Variants in KANSL1L observed in about 807,000 individuals in gnomAD.
The protein encoded by KANSL1L is KAT8 regulatory NSL complex subunit 1-like protein.
KANSL1L carries 25 observed loss-of-function variants against 108.6 expected under a neutral mutation model. The observed-to-expected ratio is 0.23, with a 90% CI of 0.17 to 0.32. The LOEUF is 0.32. Ranked by LOEUF, KANSL1L falls within the 10% of genes least tolerant of loss-of-function variation. The pLI is 1.00. For missense variants in KANSL1L, 1,137 were observed against 1,125.7 expected (o/e 1.01, Z -0.14); for synonymous variants, 405 against 395.1 (o/e 1.03, Z -0.30).
chr2:210,161,153 T>C (rs1233592573), intron 1 of KANSL1L, among the ~76,000 whole-genome samples: 3 of 152,006 alleles, frequency 2.0e-5, no homozygotes. Context: ...CATGCCCGGC[T>C]AATTTTTGTA....
intron 3 of KANSL1L, among the ~76,000 whole-genome samples, chr2:210,107,358 T>C (rs1225989115): frequency 1.3e-5 from 2 of 151,468 alleles, no homozygotes; most frequent in East Asian, 3.9e-4. Flanking sequence ...CCAAGAAAAA[T>C]ATTTCAATTT....
Position 210,098,155 on chromosome 2 carries a change from G to A in KANSL1L, c.1481C>T (p.Ser494Phe). The A allele has an allele frequency of 1.2e-6, 2 of 1,612,286 alleles. No homozygotes were observed. Among genetic ancestry groups the A allele is most frequent in the Non-Finnish European group, 1.7e-6 (2 of 1,179,052 alleles). The change falls in exon 5 of 15, where the codon TCC (serine) becomes TTC (phenylalanine). Residue 494 changes from serine (S) to phenylalanine (F), a missense_variant. Around this residue, in one of 3 missense-constraint regions of KANSL1L, gnomAD observed 575 missense variants for 567.1 expected, o/e 1.01. Transcript: ENST00000281772. ...GGAAGAGAGGGGTGATGAAGTTGGG[G>A]ACAAGTTGAGAGGGGCAATCAAACT... ...INSLIAPLNL[S>F]PTSSPLSSKS...
rs372994844 is a variant in KANSL1L, at chr2:210,160,046, AAAC to A, written c.-29-5438_-29-5436del. On this transcript the variant is annotated intron_variant, in intron 1 of 14. Coordinates refer to ENST00000281772, the MANE Select transcript of KANSL1L (RefSeq NM_152519.4). ...GCGAGACTCCGTCTCAAAAAAAAGA[AAAC>A]AATAACTAAAATTCACCATATCAAT... is the stretch of plus-strand genomic sequence containing the variant. 1.3e-4 allele frequency among the ~76,000 whole-genome samples: 20 copies of A among 152,350 alleles called. 1 individual carries two copies. The highest frequency in any genetic ancestry group is 4.8e-4 in the African/African-American group (20 of 41,586).
chr2:210,146,433 C>T (rs942845094), intron 2 of KANSL1L, among the ~76,000 whole-genome samples: 4 of 152,198 alleles, frequency 2.6e-5, no homozygotes, highest in Non-Finnish European at 5.9e-5. Flanking sequence ...CAAAGGTGAT[C>T]GTTTCCGATG....
Position 210,067,716 on chromosome 2 carries a change from C to CA in KANSL1L, c.1755+7835dup, listed in dbSNP as rs569072484. On this transcript the variant is annotated intron_variant, in intron 6 of 14. Coordinates refer to ENST00000281772, the MANE Select transcript of KANSL1L (RefSeq NM_152519.4). ...GAGTGACAGAGTGAGACCCTGTCTC[C>CA]AAAAAAAAAAAAAAAAAAAAAAAAA... Among the ~76,000 whole-genome samples, 311 of 92,906 alleles carry CA rather than the reference C, an allele frequency of 3.3e-3. 11 individuals are homozygous for CA. The highest frequency in any genetic ancestry group is 0.014 in the African/African-American group (296 of 21,730). The allele number at this position is 92,906 out of a possible 152,430, so 60.9% of individuals were successfully genotyped here.
intron 6 of KANSL1L, among the ~76,000 whole-genome samples, chr2:210,059,917 A>G (rs2125268104): frequency 6.6e-6 from 1 of 151,994 alleles, no homozygotes; most frequent in Non-Finnish European, 1.5e-5. Context: ...AATTTTTTGT[A>G]TTTTTAGTAG....
intron 3 of KANSL1L, among the ~76,000 whole-genome samples, chr2:210,116,339 T>C (rs1024230890): frequency 1.3e-5 from 2 of 152,114 alleles, no homozygotes; most frequent in East Asian, 3.9e-4. Context: ...TTGCCACCCT[T>C]AAGGGAAGGA....
At chr2:210,118,419 A>G (rs1327862966) in intron 3 of KANSL1L, among the ~76,000 whole-genome samples, 1 of 149,434 alleles carries the variant, frequency 6.7e-6, no homozygotes, top group Non-Finnish European at 1.5e-5. Context: ...CTGTGAGCTC[A>G]GATCGCACCA....
intron 11 of KANSL1L, 130 bp downstream of exon 11, chr2:210,028,715 G>A (rs1225835321): frequency 4.6e-6 from 3 of 658,124 alleles, no homozygotes; most frequent in South Asian, 2.2e-5. Flanking sequence ...TTTTTTCACC[G>A]TTTCCCCTCC....
rs1160937363 is a variant in KANSL1L at position 210,083,832 on chromosome 2, A to AAC, written c.1551-8077_1551-8076insGT. Among the ~76,000 whole-genome samples the AAC allele has an allele frequency of 2.0e-5, 3 of 149,924 alleles. No homozygotes were observed. The East Asian group carries it at 5.8e-4, about 29-fold the overall frequency. ...GCGACAGAGTGAGACTCCATCTCAAAAAAAAAAAAAAAAAAAAGTAAGAAA... is the reference window on the plus strand; with the variant it reads ...GCGACAGAGTGAGACTCCATCTCAAAACAAAAAAAAAAAAAAAAAGTAAGAAA... On this transcript the variant is annotated intron_variant, in intron 5 of 14. Coordinates refer to ENST00000281772, the MANE Select transcript of KANSL1L (RefSeq NM_152519.4).
chr2:210,138,070 T>C (rs1337234623), intron 2 of KANSL1L, among the ~76,000 whole-genome samples: 3 of 152,026 alleles, frequency 2.0e-5, no homozygotes, highest in Non-Finnish European at 2.9e-5. Flanking sequence ...GTACATCTAT[T>C]AGAAACATTA....
At chr2:210,144,341 G>A (rs1187665516) in intron 2 of KANSL1L, among the ~76,000 whole-genome samples, 3 of 152,022 alleles carry the variant, frequency 2.0e-5, no homozygotes, top group African/African-American at 7.3e-5. Flanking sequence ...CCTTTACCCC[G>A]ATGTGACTAT....
chr2:210,153,620 G>C lies in KANSL1L; in HGVS notation c.963C>G (p.Ile321Met), dbSNP rs763905928. 6.2e-7 allele frequency: 1 copy of C among 1,613,548 alleles called. No individual in the cohort carries two copies. Among genetic ancestry groups the C allele is most frequent in the African/African-American group, 1.3e-5 (1 of 74,830 alleles). The change falls in exon 2 of 15, where the codon ATC (isoleucine) becomes ATG (methionine). Residue 321 changes from isoleucine (I) to methionine (M), a missense_variant. By Grantham distance (10) the Ile-to-Met change is conservative. This residue lies in a region of KANSL1L where 556 missense variants were observed against 537.7 expected (regional missense o/e 1.03). Coordinates refer to ENST00000281772, the MANE Select transcript of KANSL1L (RefSeq NM_152519.4). ...CTGTAGCAGAAAATGCAAATCTTTG[G>C]ATTTCCGCAGCTGTACACCGTGCAA... is the stretch of plus-strand genomic sequence containing the variant. ...NGFARCTAAE[I>M]QRFAFSATGL...
Position 210,027,267 on chromosome 2 carries a change from A to G in KANSL1L, c.2451+29T>C, listed in dbSNP as rs746866793. 1.2e-5 allele frequency: 18 copies of G among 1,474,156 alleles called. 1 individual carries two copies. The South Asian group carries it at 1.9e-4, about 16-fold the overall frequency. 91.3% of individuals were successfully genotyped at this position (1,474,156 alleles called of 1,614,324 possible). A position where few individuals can be genotyped will look rare whatever the true frequency, so the allele number is the denominator to read the frequency against. On this transcript the variant is annotated intron_variant, in intron 12 of 14. Coordinates refer to ENST00000281772, the MANE Select transcript of KANSL1L (RefSeq NM_152519.4). ...CAGGTTTCATAATACATAATGTGCA[A>G]TTATCCCATTAAATGAAAGGCAGCT...
chr2:210,148,494 A>G (rs2095280844), intron 2 of KANSL1L, among the ~76,000 whole-genome samples: 1 of 152,172 alleles, frequency 6.6e-6, no homozygotes, highest in Admixed American at 6.5e-5. Flanking sequence ...AGAACATTGG[A>G]GGCAAAAATC....
At chr2:210,069,547 A>G (rs146052290) in intron 6 of KANSL1L, among the ~76,000 whole-genome samples, 32 of 152,198 alleles carry the variant, frequency 2.1e-4, no homozygotes, top group African/African-American at 7.0e-4. Flanking sequence ...ATAATAAATT[A>G]CCATAAGGTG....
chr2:210,036,124 C>A (rs2094099921), intron 8 of KANSL1L, among the ~76,000 whole-genome samples: 1 of 152,164 alleles, frequency 6.6e-6, no homozygotes, highest in Non-Finnish European at 1.5e-5. Flanking sequence ...TTTCTCATCT[C>A]CCTGAACCTC....
At chr2:210,128,199 T>A (rs896255773) in intron 3 of KANSL1L, among the ~76,000 whole-genome samples, 2 of 152,204 alleles carry the variant, frequency 1.3e-5, no homozygotes, top group Admixed American at 6.6e-5. Flanking sequence ...AAAAACAGTA[T>A]GGTAGATCCA....
intron 1 of KANSL1L, among the ~76,000 whole-genome samples, chr2:210,156,438 A>G (rs972837257): frequency 2.0e-5 from 3 of 152,130 alleles, no homozygotes; most frequent in Non-Finnish European, 2.9e-5. Context: ...GTCTAACAAT[A>G]ACAAAACAGA....
Sources: allele counts gnomAD v4.1 joint callset (sites outside exome capture counted in the v4.1 genomes callset), GRCh38; gene constraint gnomAD v4.1.1; regional missense constraint gnomAD v4.1.1; transcripts MANE v1.5; gene names NCBI Gene and HGNC (gene_info 2026-07-23, HGNC 2026-07-21).